Variants in PYCR3 observed in about 807,000 individuals in gnomAD.
PYCR3 encodes the protein P5C reductase 3.
PYCR3 carries 26 observed loss-of-function variants against 23.4 expected under a neutral mutation model. That is an observed-to-expected ratio of 1.11 (90% CI 0.81 to 1.54). PYCR3 has a LOEUF of 1.54. PYCR3 is among the 40% of genes most tolerant of loss of function. The probability of loss-of-function intolerance (pLI) is 0.00; values close to 1 mark genes in which losing one functional copy is unlikely to be tolerated. For synonymous variants in PYCR3, 194 were observed against 162.6 expected, an observed-to-expected ratio of 1.19 and a Z score of -1.47; for missense variants, 360 against 376.3, an observed-to-expected ratio of 0.96 and a Z score of 0.36.
chr8:143,608,647 G>A, intron 1 of PYCR3: 1 of 320,680 alleles, frequency 3.1e-6, no homozygotes, highest in Non-Finnish European at 6.2e-6. Flanking sequence ...ATTTTGGTAA[G>A]GTCGAACAGG....
In PYCR3 at chr8:143,607,268, C is replaced by T. The variant is rs571881785; in HGVS notation, c.157-136G>A. ...CCCATTGCAAGTGTCTAGACCACCCCGACTTCTCCAGTGCCCAAGACTCCC... is the reference window on the plus strand; with the variant it reads ...CCCATTGCAAGTGTCTAGACCACCCTGACTTCTCCAGTGCCCAAGACTCCC... On this transcript the variant is annotated intron_variant, in intron 2 of 5. Transcript: ENST00000495276. 712 of 826,382 alleles carry T rather than the reference C, an allele frequency of 8.6e-4. 1 individual carries two copies. The highest frequency in any genetic ancestry group is 4.8e-3 in the Middle Eastern group (13 of 2,722). The allele number at this position is 826,382 out of a possible 1,614,324, so 51.2% of individuals were successfully genotyped here.
chr8:143,608,206 C>T, intron 1 of PYCR3, 80 bp from the exon 2 acceptor site: 1 of 1,195,394 alleles, frequency 8.4e-7, no homozygotes, highest in Non-Finnish European at 1.2e-6. Flanking sequence ...GCTCACTTGG[C>T]CTCTCAGGCT....
Position 143,606,583 on chromosome 8 carries a change from C to T in PYCR3, c.433G>A (p.Gly145Arg). The T allele has an allele frequency of 6.2e-6, 10 of 1,612,596 alleles. No individual in the cohort carries two copies. Among genetic ancestry groups the T allele is most frequent in the Non-Finnish European group, 8.5e-6 (10 of 1,179,872 alleles). Residue 145 changes from glycine (G) to arginine (R), a missense_variant, in exon 4 of 6, where the codon GGG becomes AGG. By Grantham distance (125) the Gly-to-Arg change is moderately radical (BLOSUM62 -2). Coordinates refer to ENST00000495276, the MANE Select transcript of PYCR3 (RefSeq NM_023078.6). ...AIVMARGRHV[G>R]SSETKLLQHL... is the part of the protein sequence containing the mutation. ...TGCAGGAGCTTGGTCTCGCTGCTCC[C>T]CACGTGGCGGCCCCGCGCCATCACT...
At chr8:143,606,857 G>A (rs962871119) in intron 3 of PYCR3, 96 bp downstream of exon 3, 19 of 1,431,994 alleles carry the variant, frequency 1.3e-5, no homozygotes, top group East Asian at 2.3e-5. Context: ...TGGGCCACAC[G>A]GCCACCTCTC....
chr8:143,609,313 G>T, intron 1 of PYCR3, 145 bp downstream of exon 1: 2 of 960,920 alleles, frequency 2.1e-6, no homozygotes, highest in Non-Finnish European at 2.9e-6. Flanking sequence ...AAAAGTAAGA[G>T]CAAACAGGCG....
At chr8:143,609,393 G>C (rs576433528) in intron 1 of PYCR3, 65 bp downstream of exon 1, 2 of 1,403,932 alleles carry the variant, frequency 1.4e-6, no homozygotes, top group African/African-American at 1.5e-5. Context: ...CCACTCTCGC[G>C]GCAGGACACC....
At position 143,609,516 on chromosome 8, in the gene PYCR3, C is replaced by T; in HGVS notation, c.33G>A (p.Val11=). The change falls in exon 1 of 6, where the codon GTG becomes GTA. Residue 11 remains valine (V), a synonymous_variant. Transcript: ENST00000495276. MAAAEPSPRR[V]GFVGAGRMAG... Reference sequence around the variant, plus strand: ...CCATGCGGCCCGCGCCCACGAAGCCCACGCGCCGCGGAGACGGCTCCGCAG... The same window carrying T: ...CCATGCGGCCCGCGCCCACGAAGCCTACGCGCCGCGGAGACGGCTCCGCAG... 6.6e-7 allele frequency: 1 copy of T among 1,517,052 alleles called. No individual in the cohort carries two copies. The highest frequency in any genetic ancestry group is 8.8e-7 in the Non-Finnish European group (1 of 1,140,154). The allele number at this position is 1,517,052 out of a possible 1,614,324, so 94.0% of individuals were successfully genotyped here. A position where few individuals can be genotyped will look rare whatever the true frequency, so the allele number is the denominator to read the frequency against.
rs1262172545 is a variant in PYCR3, at chr8:143,604,777, C to T, written c.*923G>A. ...AGTCCTGGCTTTCCTGACCTGCCGT[C>T]CGTTAGGGACAGGTGGAGGGGCCAA... On this transcript the variant is annotated 3_prime_UTR_variant, in exon 6 of 6. Transcript: ENST00000495276. The T allele has an allele frequency of 4.8e-6, 2 of 416,274 alleles. No individual in the cohort carries two copies. Among genetic ancestry groups the T allele is most frequent in the South Asian group, 1.7e-5 (1 of 59,642 alleles). 25.8% of individuals were successfully genotyped at this position (416,274 alleles called of 1,614,324 possible).
Position 143,605,158 on chromosome 8 carries a change from G to C in PYCR3, c.*542C>G. 2.9e-6 allele frequency: 1 copy of C among 347,612 alleles called. No homozygotes were observed. The highest frequency in any genetic ancestry group is 5.6e-6 in the Non-Finnish European group (1 of 177,588). The allele number at this position is 347,612 out of a possible 1,614,324, so 21.5% of individuals were successfully genotyped here. A position where few individuals can be genotyped will look rare whatever the true frequency, so the allele number is the denominator to read the frequency against. ...AGGGCAGGCTCCAGCTCCCCATGGG[G>C]GCCCCATCAGGCCAGGGCCCCTGGC... On this transcript the variant is annotated 3_prime_UTR_variant, in exon 6 of 6. Coordinates refer to ENST00000495276, the MANE Select transcript of PYCR3 (RefSeq NM_023078.6).
rs765872253 is a variant in PYCR3 at position 143,605,080 on chromosome 8, T to C, written c.*620A>G. The C allele has an allele frequency of 7.8e-5, 30 of 383,320 alleles. No individual in the cohort carries two copies. The highest frequency in any genetic ancestry group is 1.4e-4 in the Non-Finnish European group (27 of 193,226). 23.7% of individuals were successfully genotyped at this position (383,320 alleles called of 1,614,324 possible). On this transcript the variant is annotated 3_prime_UTR_variant, in exon 6 of 6. Transcript: ENST00000495276. Reference sequence around the variant, plus strand: ...GCAGACCTGGCCCAGCAGCTCCTGCTCCTTAGCAGGGGATGAGCACGCCCA... The same window carrying C: ...GCAGACCTGGCCCAGCAGCTCCTGCCCCTTAGCAGGGGATGAGCACGCCCA...
chr8:143,605,193 G>C lies in PYCR3; in HGVS notation c.*507C>G, dbSNP rs1178909300. ...GGCCAGGGCCCCTGGCTTTACTGCA[G>C]GGGAGAGGGTCTCTTGTGCAGACCC... On this transcript the variant is annotated 3_prime_UTR_variant, in exon 6 of 6. Transcript: ENST00000495276. 1 of 336,504 alleles carries C rather than the reference G, an allele frequency of 3.0e-6. No individual in the cohort carries two copies. The highest frequency in any genetic ancestry group is 5.8e-6 in the Non-Finnish European group (1 of 172,620). The allele number at this position is 336,504 out of a possible 1,614,324, so 20.8% of individuals were successfully genotyped here.
chr8:143,608,866 C>T (rs1409700726), intron 1 of PYCR3: 1 of 456,704 alleles, frequency 2.2e-6, no homozygotes, highest in Admixed American at 2.3e-5. Context: ...CTTCTGGACC[C>T]TGAAGTATGG....
At position 143,604,995 on chromosome 8, in the gene PYCR3, C is replaced by A; in HGVS notation, c.*705G>T. The stretch of plus-strand genomic sequence containing the variant: ...TGTGTCCTGGCTGGCCAGGGCCACC[C>A]TCCCAGACCTCAAGCCACCCCACCT... On this transcript the variant is annotated 3_prime_UTR_variant, in exon 6 of 6. Coordinates refer to ENST00000495276, the MANE Select transcript of PYCR3 (RefSeq NM_023078.6). 1 of 472,854 alleles carries A rather than the reference C, an allele frequency of 2.1e-6. No homozygotes were observed. Among genetic ancestry groups the A allele is most frequent in the South Asian group, 1.5e-5 (1 of 65,706 alleles). The allele number at this position is 472,854 out of a possible 1,614,324, so 29.3% of individuals were successfully genotyped here.
intron 1 of PYCR3, 127 bp from the exon 2 acceptor site, chr8:143,608,253 C>G (rs1829456507): frequency 1.5e-6 from 1 of 682,480 alleles, no homozygotes; most frequent in Admixed American, 2.6e-5. Flanking sequence ...CCCTCCTGGC[C>G]CCAGGAACCC....
Position 143,608,124 on chromosome 8 carries a change from T to C in PYCR3, c.94A>G (p.Lys32Glu). Residue 32 changes from lysine to glutamate, a missense_variant and splice_region_variant, in exon 2 of 6, where the codon AAA (lysine) becomes GAA (glutamate). Transcript: ENST00000495276. ...AIAQGLIRAGKVEAQHILASA... is the reference protein window; with the variant it reads ...AIAQGLIRAGEVEAQHILASA... ...GCCAGTATGTGCTGAGCTTCCACTT[T>C]TCCTGGAAAGAAAGGAAAAGGAAGA... 1.9e-6 allele frequency: 3 copies of C among 1,613,322 alleles called. No individual in the cohort carries two copies. The highest frequency in any genetic ancestry group is 1.7e-6 in the Non-Finnish European group (2 of 1,179,414).
Position 143,606,537 on chromosome 8 carries a change from C to T in PYCR3, c.479G>A (p.Gly160Glu), listed in dbSNP as rs918594235. Residue 160 changes from glycine to glutamate, a missense_variant, in exon 4 of 6, where the codon GGG (glycine) becomes GAG (glutamate). Coordinates refer to ENST00000495276, the MANE Select transcript of PYCR3 (RefSeq NM_023078.6). Reference sequence around the variant, plus strand: ...GGCTTCAGGCACCTCCTCACACCGCCCACAGGCCTCCAGCAGATGCTGCAG... The same window carrying T: ...GGCTTCAGGCACCTCCTCACACCGCTCACAGGCCTCCAGCAGATGCTGCAG... ...KLLQHLLEAC[G>E]RCEEVPEAYV... The T allele has an allele frequency of 3.7e-6, 6 of 1,612,868 alleles. No individual in the cohort carries two copies. Among genetic ancestry groups the T allele is most frequent in the Non-Finnish European group, 5.1e-6 (6 of 1,180,032 alleles).
chr8:143,605,629 G>A lies in PYCR3; in HGVS notation c.*71C>T, dbSNP rs1340135346. 8.7e-6 allele frequency: 12 copies of A among 1,375,766 alleles called. No homozygotes were observed. Among genetic ancestry groups the A allele is most frequent in the East Asian group, 2.4e-5 (1 of 41,810 alleles). 85.2% of individuals were successfully genotyped at this position (1,375,766 alleles called of 1,614,324 possible). A position where few individuals can be genotyped will look rare whatever the true frequency, so the allele number is the denominator to read the frequency against. On this transcript the variant is annotated 3_prime_UTR_variant, in exon 6 of 6. Transcript: ENST00000495276. ...ACCCTCATGCAGGAGGGAGGGAGCCGCAGTCCTCAGGGGAAGGGACACAGG... is the reference window on the plus strand; with the variant it reads ...ACCCTCATGCAGGAGGGAGGGAGCCACAGTCCTCAGGGGAAGGGACACAGG...
chr8:143,606,476 G>A lies in PYCR3; in HGVS notation c.540C>T (p.Gly180=), dbSNP rs772468665. 19 of 1,612,512 alleles carry A rather than the reference G, an allele frequency of 1.2e-5. No individual in the cohort carries two copies. The highest frequency in any genetic ancestry group is 1.0e-4 in the Admixed American group (6 of 60,000). The change falls in exon 4 of 6, where the codon GGC becomes GGT. Residue 180 remains glycine (G), a synonymous_variant. Coordinates refer to ENST00000495276, the MANE Select transcript of PYCR3 (RefSeq NM_023078.6). ...ACGAGGCAATACTCACGAAGGCCAC[G>A]CCACTGCCACTGAGGCCAGTGTGGA... is the stretch of plus-strand genomic sequence containing the variant. ...VDIHTGLSGS[G]VAFVCAFSEA...
intron 1 of PYCR3, 147 bp downstream of exon 1, chr8:143,609,311 G>C (rs1563681366): frequency 1.1e-6 from 1 of 950,054 alleles, no homozygotes; most frequent in Non-Finnish European, 1.5e-6. Context: ...AAAAAAGTAA[G>C]AGCAAACAGG....
Sources: allele counts gnomAD v4.1 joint callset, GRCh38; gene constraint gnomAD v4.1.1; transcripts MANE v1.5; gene names NCBI Gene and HGNC (gene_info 2026-07-23, HGNC 2026-07-21).